The following PKHD1 variants were observed in gnomAD, a reference collection of about 807,000 sequenced individuals.
PKHD1 encodes PKHD1 ciliary IPT domain containing fibrocystin/polyductin, also known as fibrocystin.
A neutral mutation model predicts 412.0 loss-of-function variants in PKHD1; 291 were observed. The observed-to-expected ratio is 0.71, with a 90% CI of 0.64 to 0.78. The LOEUF (loss-of-function observed/expected upper bound fraction) is 0.78. Among genes scored for constraint, PKHD1 ranks in the 30% least tolerant of loss-of-function variants. The pLI is 0.00. For missense variants in PKHD1, 4,825 were observed against 4,950.7 expected (o/e 0.97, Z 0.76); for synonymous variants, 1,777 against 1,821.5 (o/e 0.98, Z 0.62).
At chr6:51,849,114 C>G (rs1771730295) in intron 49 of PKHD1, among the ~76,000 whole-genome samples, 1 of 152,084 alleles carries the variant, frequency 6.6e-6, no homozygotes, top group Non-Finnish European at 1.5e-5. Flanking sequence ...CATGTGTTCT[C>G]AATGTTCAAC....
At chr6:52,003,023 T>C (rs1344201002) in intron 35 of PKHD1, among the ~76,000 whole-genome samples, 1 of 152,140 alleles carries the variant, frequency 6.6e-6, no homozygotes, top group African/African-American at 2.4e-5. Context: ...GAGTGTAATG[T>C]CTATTTGGGA....
chr6:51,815,677 G>A (rs546710071), intron 52 of PKHD1, among the ~76,000 whole-genome samples: 43 of 152,248 alleles, frequency 2.8e-4, no homozygotes, highest in African/African-American at 1.0e-3. Flanking sequence ...GTTTGAAATC[G>A]ACTCTGAAAG....
intron 60 of PKHD1, among the ~76,000 whole-genome samples, chr6:51,698,453 A>G (rs1405813388): frequency 3.3e-5 from 5 of 152,178 alleles, no homozygotes; most frequent in Non-Finnish European, 7.3e-5. Context: ...TACATGAAAC[A>G]CTGGTCTAAT....
At chr6:52,023,041 T>G in intron 32 of PKHD1, 97 bp from the exon 33 acceptor site, 2 of 1,383,370 alleles carry the variant, frequency 1.4e-6, no homozygotes. Flanking sequence ...CTACCCATTC[T>G]TCTTTTCACA....
chr6:51,756,595 G>GTATTT (rs1233621795), intron 55 of PKHD1, among the ~76,000 whole-genome samples: 2 of 152,128 alleles, frequency 1.3e-5, no homozygotes, highest in Non-Finnish European at 2.9e-5. Flanking sequence ...TGTTCATGAT[G>GTATTT]TATTGATTTC....
At chr6:51,916,739 CCCTT>C (rs1783866017) in intron 37 of PKHD1, among the ~76,000 whole-genome samples, 1 of 152,106 alleles carries the variant, frequency 6.6e-6, no homozygotes, top group African/African-American at 2.4e-5. Flanking sequence ...TTGGGTAGCT[CCCTT>C]CCTTTCTGTA....
intron 53 of PKHD1, among the ~76,000 whole-genome samples, chr6:51,785,985 A>C (rs543532929): frequency 2.0e-4 from 30 of 152,330 alleles, no homozygotes; most frequent in Non-Finnish European, 2.1e-4. Flanking sequence ...CAATGTATAA[A>C]GTTTACTGTA....
At chr6:51,624,250 T>C (rs991990748) in intron 66 of PKHD1, among the ~76,000 whole-genome samples, 2 of 152,196 alleles carry the variant, frequency 1.3e-5, no homozygotes, top group Admixed American at 1.3e-4. Context: ...CATGCTGTTA[T>C]TCCTGATTAT....
chr6:51,935,954 T>C (rs933512465), intron 36 of PKHD1, among the ~76,000 whole-genome samples: 1 of 152,176 alleles, frequency 6.6e-6, no homozygotes, highest in Non-Finnish European at 1.5e-5. Flanking sequence ...CCAGTCTATA[T>C]AAAATAGCAC....
At position 51,909,308 on chromosome 6, in the gene PKHD1, T is replaced by C. The variant is rs1782609034; in HGVS notation, c.6657A>G (p.Ser2219=). Residue 2219 remains serine, a synonymous_variant, in exon 40 of 67, where the codon TCA becomes TCG. Transcript: ENST00000371117. ...LGQAFHKHLS[S]LTLVGAMRES... ...CTCTCATAGCTCCCACCAGAGTGAG[T>C]GAGCTCAGATGCTTATGGAAGGCTT... 5 of 1,612,106 alleles carry C rather than the reference T, an allele frequency of 3.1e-6. No individual in the cohort carries two copies. The highest frequency in any genetic ancestry group is 4.2e-6 in the Non-Finnish European group (5 of 1,178,592).
chr6:52,080,270 G>A (rs1028585589), intron 4 of PKHD1, among the ~76,000 whole-genome samples: 1 of 152,098 alleles, frequency 6.6e-6, no homozygotes, highest in African/African-American at 2.4e-5. Context: ...AAAATCATAG[G>A]TTCATTGGAC....
chr6:51,900,914 A>G (rs1023716559), intron 43 of PKHD1, among the ~76,000 whole-genome samples: 1 of 152,262 alleles, frequency 6.6e-6, no homozygotes. Flanking sequence ...AACACATAAA[A>G]AAATGCTCAT....
At chr6:51,709,849 A>ATTTTTT (rs10636108) in intron 60 of PKHD1, among the ~76,000 whole-genome samples, 1 of 142,320 alleles carries the variant, frequency 7.0e-6, no homozygotes, top group African/African-American at 2.6e-5. Flanking sequence ...TGCTTTAGTC[A>ATTTTTT]TTTTTTTTTT....
intron 53 of PKHD1, among the ~76,000 whole-genome samples, chr6:51,780,143 T>TTAC (rs1791736994): frequency 6.6e-6 from 1 of 152,000 alleles, no homozygotes; most frequent in African/African-American, 2.4e-5. Flanking sequence ...ATCCCAGCAC[T>TTAC]CTGGGAGGCC....
intron 43 of PKHD1, among the ~76,000 whole-genome samples, chr6:51,903,362 T>C (rs1265891949): frequency 6.6e-6 from 1 of 152,190 alleles, no homozygotes; most frequent in Non-Finnish European, 1.5e-5. Flanking sequence ...GCTTTGAATG[T>C]GGCCAAACAC....
intron 60 of PKHD1, among the ~76,000 whole-genome samples, chr6:51,666,621 G>A (rs1773834529): frequency 6.6e-6 from 1 of 151,540 alleles, no homozygotes; most frequent in Admixed American, 6.6e-5. Flanking sequence ...GTATACATGT[G>A]CCATGCTGGT....
At chr6:51,628,958 A>C (rs1767612914) in intron 65 of PKHD1, among the ~76,000 whole-genome samples, 1 of 152,170 alleles carries the variant, frequency 6.6e-6, no homozygotes, top group African/African-American at 2.4e-5. Flanking sequence ...ATAACAAGCA[A>C]TTGTGAAAGG....
Position 51,746,785 on chromosome 6 carries a change from C to T in PKHD1, c.9934G>A (p.Glu3312Lys). 6.2e-7 allele frequency: 1 copy of T among 1,611,886 alleles called. No homozygotes were observed. Among genetic ancestry groups the T allele is most frequent in the East Asian group, 2.2e-5 (1 of 44,828 alleles). Residue 3312 changes from glutamate (E) to lysine (K), a missense_variant, in exon 59 of 67, where the codon GAG becomes AAG. By Grantham distance (56) the Glu-to-Lys change is moderately conservative. Transcript: ENST00000371117. ...NSGIMHPITA[E>K]RTRMLKIKDK... ...TTTATCTTTAGCATCCTGGTCCTCT[C>T]TGCTGTTATTGGGTGCATAATTCCA... is the stretch of plus-strand genomic sequence containing the variant.
intron 43 of PKHD1, among the ~76,000 whole-genome samples, chr6:51,894,272 A>C (rs958969985): frequency 6.6e-6 from 1 of 152,146 alleles, no homozygotes; most frequent in Non-Finnish European, 1.5e-5. Context: ...ACGCCTATTT[A>C]AGAAATGTAC....
Sources: allele counts gnomAD v4.1 joint callset (sites outside exome capture counted in the v4.1 genomes callset), GRCh38; gene constraint gnomAD v4.1.1; transcripts MANE v1.5; gene names NCBI Gene and HGNC (gene_info 2026-07-23, HGNC 2026-07-21).